IZUMO4: variants seen among roughly 807,000 people sequenced by gnomAD.
IZUMO4 encodes izumo sperm-egg fusion protein 4.
IZUMO4 carries 51 observed loss-of-function variants against 37.1 expected under a neutral mutation model. The ratio of observed to expected loss-of-function variants is 1.38; its 90% confidence interval spans 1.10 to 1.74. The LOEUF (loss-of-function observed/expected upper bound fraction) is 1.74. IZUMO4 is among the 40% of genes most tolerant of loss of function. The pLI, the probability that IZUMO4 is intolerant of heterozygous loss-of-function variation, is 0.00. For synonymous variants in IZUMO4, 162 were observed against 121.4 expected (o/e 1.33, Z -2.20); for missense variants, 364 against 299.6 (o/e 1.21, Z -1.59).
At chr19:2,098,203 C>T (rs1461160657) in intron 5 of IZUMO4, 76 bp downstream of exon 5, 51 of 1,609,778 alleles carry the variant, frequency 3.2e-5, no homozygotes, top group Non-Finnish European at 4.2e-5. Context: ...TTGGAGGGGG[C>T]TCCCCGCCTT....
rs759390384 is a variant in IZUMO4, at chr19:2,098,824, G to A, written c.554+20G>A. On this transcript the variant is annotated intron_variant, in intron 8 of 9. Transcript: ENST00000395301. Reference sequence around the variant, plus strand: ...CATGAGGTAAGGCCGCCCTGACCTGGACTTCAGGGGGAGGGGGTAAAGGGA... The same window carrying A: ...CATGAGGTAAGGCCGCCCTGACCTGAACTTCAGGGGGAGGGGGTAAAGGGA... The A allele has an allele frequency of 3.8e-6, 6 of 1,589,318 alleles. No homozygotes were observed. The African/African-American group carries it at 8.3e-5, about 22-fold the overall frequency.
intron 2 of IZUMO4, 24 bp from the exon 3 acceptor site, chr19:2,097,400 C>A: frequency 1.3e-6 from 2 of 1,597,054 alleles, no homozygotes; most frequent in Non-Finnish European, 1.7e-6. Flanking sequence ...CTGAGCCTGA[C>A]CTTCTCCTGC....
chr19:2,098,745 G>C, intron 7 of IZUMO4, 42 bp from the exon 8 acceptor site: 5 of 1,604,954 alleles, frequency 3.1e-6, no homozygotes, highest in Non-Finnish European at 4.2e-6. Flanking sequence ...GATGGTTAGG[G>C]GTGCCCCATG....
chr19:2,098,465 C>T lies in IZUMO4; in HGVS notation c.536+15C>T. 6.2e-7 allele frequency: 1 copy of T among 1,613,862 alleles called. No individual in the cohort carries two copies. Among genetic ancestry groups the T allele is most frequent in the South Asian group, 1.1e-5 (1 of 91,080 alleles). Reference sequence around the variant, plus strand: ...AACTGGCACAAGTAAGTCCCCTCCTCAAACCAACACAGGCAGTGTGTGTAT... The same window carrying T: ...AACTGGCACAAGTAAGTCCCCTCCTTAAACCAACACAGGCAGTGTGTGTAT... On this transcript the variant is annotated intron_variant, in intron 7 of 9. Transcript: ENST00000395301.
chr19:2,099,229 G>C, intron 9 of IZUMO4, 26 bp from the exon 10 acceptor site: 1 of 1,601,168 alleles, frequency 6.2e-7, no homozygotes. Flanking sequence ...GACATGGAGA[G>C]CTGAGGCAGC....
chr19:2,098,269 C>G lies in IZUMO4; in HGVS notation c.474-18C>G, dbSNP rs746507178. 1.2e-6 allele frequency: 2 copies of G among 1,613,682 alleles called. No individual in the cohort carries two copies. Among genetic ancestry groups the G allele is most frequent in the East Asian group, 2.2e-5 (1 of 44,884 alleles). ...CGTGGGTTCAGGGGCGCACCACTTCCAAGCCTGTGTCCCACAGGTCCTCGG... is the reference window on the plus strand; with the variant it reads ...CGTGGGTTCAGGGGCGCACCACTTCGAAGCCTGTGTCCCACAGGTCCTCGG... On this transcript the variant is annotated intron_variant, in intron 5 of 9. Coordinates refer to ENST00000395301, the MANE Select transcript of IZUMO4 (RefSeq NM_001039846.2).
intron 7 of IZUMO4, 75 bp from the exon 8 acceptor site, chr19:2,098,712 C>G: frequency 6.3e-7 from 1 of 1,588,360 alleles, no homozygotes; most frequent in Non-Finnish European, 8.5e-7. Flanking sequence ...GGTCTGTGGT[C>G]AGAGCCTGGG....
rs773871831 is a variant in IZUMO4, at chr19:2,098,068, G to A, written c.414G>A (p.Glu138=). 1.9e-5 allele frequency: 31 copies of A among 1,613,320 alleles called. No individual in the cohort carries two copies. In the East Asian group the frequency reaches 3.3e-4, roughly 17 times the overall value. ...GTGTTTCAGGCATCTTCCAGTACGA[G>A]ACCATCTCCTGCAACAACTGCACAG... is the stretch of plus-strand genomic sequence containing the variant. ...CQHRCGIFQY[E]TISCNNCTDS... is the part of the protein sequence containing the mutation. Residue 138 remains glutamate, a synonymous_variant, in exon 5 of 10, where the codon GAG becomes GAA. Coordinates refer to ENST00000395301, the MANE Select transcript of IZUMO4 (RefSeq NM_001039846.2).
At chr19:2,098,367 C>T (rs1242391566) in intron 6 of IZUMO4, 33 bp downstream of exon 6, 2 of 1,613,884 alleles carry the variant, frequency 1.2e-6, no homozygotes, top group Non-Finnish European at 1.7e-6. Context: ...AGCAAGCTCA[C>T]CTGGGCCTGG....
chr19:2,098,699 C>T, intron 7 of IZUMO4, 88 bp from the exon 8 acceptor site: 1 of 1,577,760 alleles, frequency 6.3e-7, no homozygotes, highest in Non-Finnish European at 8.6e-7. Context: ...CCACCCCATC[C>T]CAGGTCTGTG....
rs769282496 is a variant in IZUMO4, at chr19:2,097,498, G to A, written c.370+3G>A. The A allele has an allele frequency of 1.2e-6, 2 of 1,612,250 alleles. No homozygotes were observed. Among genetic ancestry groups the A allele is most frequent in the South Asian group, 2.2e-5 (2 of 91,044 alleles). ...CATCCAGAACGCCATCATCGAAAGT[G>A]AGCAAATAAGGCTTCAGAGGAGGGA... On this transcript the variant is annotated splice_donor_region_variant and intron_variant, in intron 3 of 9. Transcript: ENST00000395301.
intron 7 of IZUMO4, 48 bp from the exon 8 acceptor site, chr19:2,098,739 G>C: frequency 6.2e-7 from 1 of 1,604,488 alleles, no homozygotes. Context: ...CCCTACGATG[G>C]TTAGGGGTGC....
chr19:2,099,217 G>A (rs756411546), intron 9 of IZUMO4, 38 bp from the exon 10 acceptor site: 12 of 1,575,342 alleles, frequency 7.6e-6, no homozygotes, highest in Admixed American at 3.3e-5. Context: ...CAGGGGGTGG[G>A]GGACATGGAG....
At chr19:2,098,871 T>C in intron 8 of IZUMO4, 67 bp downstream of exon 8, 12 of 1,407,810 alleles carry the variant, frequency 8.5e-6, no homozygotes, top group South Asian at 6.9e-5. Flanking sequence ...GGCTAGGGGG[T>C]CCTCTAGATC....
Position 2,097,184 on chromosome 19 carries a change from A to C in IZUMO4, c.217+22A>C, listed in dbSNP as rs1000975361. ...ATCAGTGAGTGCCGGAGCCCAGCCC[A>C]GTCCCGACTACCCCGCCAGCGAGAC... On this transcript the variant is annotated intron_variant, in intron 1 of 9. Transcript: ENST00000395301. The C allele has an allele frequency of 1.9e-6, 3 of 1,606,432 alleles. No individual in the cohort carries two copies. In the African/African-American group the frequency reaches 4.0e-5, roughly 21 times the overall value.
chr19:2,097,703 C>T (rs781745663), intron 3 of IZUMO4: 2 of 685,354 alleles, frequency 2.9e-6, no homozygotes, highest in African/African-American at 1.8e-5. Flanking sequence ...CCCCCAGAGG[C>T]GCTGGGAGTG....
rs1436221239 is a variant in IZUMO4, at chr19:2,097,167, G to A, written c.217+5G>A. On this transcript the variant is annotated splice_donor_5th_base_variant and intron_variant, in intron 1 of 9. Transcript: ENST00000395301. ...TGGCCATCCCCGCCAAGATCAGTGA[G>A]TGCCGGAGCCCAGCCCAGTCCCGAC... 1.2e-6 allele frequency: 2 copies of A among 1,609,218 alleles called. No homozygotes were observed. Among genetic ancestry groups the A allele is most frequent in the Admixed American group, 1.7e-5 (1 of 59,916 alleles).
intron 7 of IZUMO4, 145 bp downstream of exon 7, chr19:2,098,595 C>T: frequency 6.3e-7 from 1 of 1,591,274 alleles, no homozygotes; most frequent in South Asian, 1.1e-5. Flanking sequence ...CAGCTCTGCG[C>T]AGGAGGCGGC....
chr19:2,098,499 C>T (rs760096902), intron 7 of IZUMO4, 49 bp downstream of exon 7: 4 of 1,613,052 alleles, frequency 2.5e-6, no homozygotes, highest in East Asian at 4.5e-5. Flanking sequence ...ATGTGAGCAC[C>T]TCGTGGGTGA....
Sources: allele counts gnomAD v4.1 joint callset, GRCh38; gene constraint gnomAD v4.1.1; transcripts MANE v1.5; gene names NCBI Gene and HGNC (gene_info 2026-07-23, HGNC 2026-07-21).